FGD6: variants seen among roughly 807,000 people sequenced by gnomAD.
FGD6 encodes FYVE, RhoGEF and PH domain containing 6, also known as FYVE, RhoGEF and PH domain-containing protein 6.
Under a neutral mutation model 149.4 loss-of-function variants are expected in FGD6, and 90 were observed. The observed-to-expected ratio is 0.60, with a 90% CI of 0.51 to 0.72. FGD6 has a LOEUF of 0.72. Among genes scored for constraint, FGD6 ranks in the 30% least tolerant of loss-of-function variants. FGD6 has a pLI of 0.00. For synonymous variants in FGD6, 527 were observed against 584.0 expected, an observed-to-expected ratio of 0.90 and a Z score of 1.41; for missense variants, 1,437 against 1,684.8, an observed-to-expected ratio of 0.85 and a Z score of 2.57.
chr12:95,209,499 T>C lies in FGD6; in HGVS notation c.1785A>G (p.Ser595=). ...SVTVSSNSEP[S]TALTKPRAKS... is the part of the protein sequence containing the mutation. The stretch of plus-strand genomic sequence containing the variant: ...TTGCTCTGGGCTTGGTTAGGGCTGT[T>C]GAAGGCTCACTGTTTGACGATACGG... The change falls in exon 2 of 21, where the codon TCA becomes TCG. Residue 595 remains serine (S), a synonymous_variant. Coordinates refer to ENST00000343958, the MANE Select transcript of FGD6 (RefSeq NM_018351.4). 1 of 1,613,698 alleles carries C rather than the reference T, an allele frequency of 6.2e-7. No homozygotes were observed. The highest frequency in any genetic ancestry group is 2.2e-5 in the East Asian group (1 of 44,884).
chr12:95,144,244 G>C (rs1879941944), intron 5 of FGD6, among the ~76,000 whole-genome samples: 2 of 152,212 alleles, frequency 1.3e-5, no homozygotes, highest in African/African-American at 4.8e-5. Flanking sequence ...TTTTCAGGTA[G>C]CTCGGAATGG....
intron 14 of FGD6, among the ~76,000 whole-genome samples, chr12:95,102,901 G>A (rs1325417686): frequency 1.3e-5 from 2 of 152,170 alleles, no homozygotes; most frequent in African/African-American, 4.8e-5. Context: ...TAATCTGGAA[G>A]ATCAAGATAA....
At chr12:95,178,289 CA>C (rs1175401283) in intron 2 of FGD6, among the ~76,000 whole-genome samples, 2 of 152,136 alleles carry the variant, frequency 1.3e-5, no homozygotes, top group Non-Finnish European at 1.5e-5. Context: ...TTTTCAAACA[CA>C]AGATGGTGCA....
chr12:95,104,980 A>G, intron 14 of FGD6, 27 bp downstream of exon 14: 1 of 1,567,428 alleles, frequency 6.4e-7, no homozygotes, highest in Non-Finnish European at 8.6e-7. Flanking sequence ...AGAAAAAAAA[A>G]AAAAAAAAGA....
Position 95,176,304 on chromosome 12 carries a change from GTT to G in FGD6, c.2442-3562_2442-3561del, listed in dbSNP as rs1435664430. Among the ~76,000 whole-genome samples the G allele has an allele frequency of 9.2e-5, 14 of 152,240 alleles. No individual in the cohort carries two copies. In the East Asian group the frequency reaches 2.3e-3, roughly 25 times the overall value. On this transcript the variant is annotated intron_variant, in intron 2 of 20. Transcript: ENST00000343958. ...TGCCAATTGTATAGTTTGGAGTTCT[GTT>G]TATTTCCTTCCCACTGTCCGAATGA...
At chr12:95,175,122 T>G (rs115194415) in intron 2 of FGD6, among the ~76,000 whole-genome samples, 340 of 152,112 alleles carry the variant, frequency 2.2e-3, no homozygotes, top group African/African-American at 6.8e-3. Context: ...CTTTAAATAT[T>G]AAAACTACAT....
At chr12:95,091,874 G>A (rs1442807587) in intron 16 of FGD6, 65 bp from the exon 17 acceptor site, 7 of 1,266,782 alleles carry the variant, frequency 5.5e-6, no homozygotes, top group East Asian at 2.3e-5. Flanking sequence ...ACACCATAAA[G>A]TATGTTACAA....
At chr12:95,214,557 T>C (rs1253023944) in intron 1 of FGD6, among the ~76,000 whole-genome samples, 1 of 152,236 alleles carries the variant, frequency 6.6e-6, no homozygotes, top group Non-Finnish European at 1.5e-5. Context: ...CCTTTGGATC[T>C]TAATACTGCA....
At chr12:95,095,053 A>G (rs1878192611) in intron 14 of FGD6, among the ~76,000 whole-genome samples, 2 of 152,238 alleles carry the variant, frequency 1.3e-5, no homozygotes, top group South Asian at 4.1e-4. Flanking sequence ...TTAAGACATC[A>G]TCCTAGAATT....
chr12:95,106,272 CTTTT>C (rs58785323), intron 13 of FGD6, among the ~76,000 whole-genome samples: 11 of 130,874 alleles, frequency 8.4e-5, no homozygotes, highest in Non-Finnish European at 1.3e-4. Context: ...TTTATTTGGG[CTTTT>C]TTTTTTTTTT....
At chr12:95,172,846 A>G (rs1033592350) in intron 2 of FGD6, 102 bp from the exon 3 acceptor site, 19 of 953,164 alleles carry the variant, frequency 2.0e-5, no homozygotes, top group Non-Finnish European at 2.5e-5. Context: ...CAAACAAGAT[A>G]TATCTAAGGG....
intron 19 of FGD6, 128 bp from the exon 20 acceptor site, chr12:95,084,774 C>CT (rs2136230458): frequency 1.3e-6 from 1 of 766,326 alleles, no homozygotes; most frequent in Non-Finnish European, 1.9e-6. Context: ...ATAATTCTAA[C>CT]AACTTACTCA....
chr12:95,142,037 C>T (rs1329019287), intron 5 of FGD6, among the ~76,000 whole-genome samples: 1 of 152,114 alleles, frequency 6.6e-6, no homozygotes, highest in Non-Finnish European at 1.5e-5. Context: ...TGTGGGTCTC[C>T]CTCTGTCATC....
chr12:95,129,262 T>C (rs1322072532), intron 8 of FGD6, among the ~76,000 whole-genome samples: 3 of 151,936 alleles, frequency 2.0e-5, no homozygotes, highest in African/African-American at 4.8e-5. Flanking sequence ...CATTTATTAA[T>C]CCATCCGTCC....
chr12:95,188,931 T>C (rs935192797), intron 2 of FGD6, among the ~76,000 whole-genome samples: 3 of 152,118 alleles, frequency 2.0e-5, no homozygotes, highest in Non-Finnish European at 4.4e-5. Context: ...AATCTGGACA[T>C]GTTGACATGT....
intron 2 of FGD6, among the ~76,000 whole-genome samples, chr12:95,201,979 CACACACA>C (rs2056665075): frequency 2.0e-5 from 3 of 151,522 alleles, no homozygotes; most frequent in African/African-American, 7.3e-5. Flanking sequence ...CACACACACA[CACACACA>C]CACACACACA....
At chr12:95,123,924 T>C (rs1370781641) in intron 8 of FGD6, among the ~76,000 whole-genome samples, 1 of 151,284 alleles carries the variant, frequency 6.6e-6, no homozygotes, top group Non-Finnish European at 1.5e-5. Flanking sequence ...TTTTTTTTTT[T>C]CTTTTTTGGA....
chr12:95,196,736 C>T (rs189549393), intron 2 of FGD6, among the ~76,000 whole-genome samples: 2 of 151,896 alleles, frequency 1.3e-5, no homozygotes, highest in East Asian at 3.9e-4. Flanking sequence ...GCCTCCCAGA[C>T]TCAGGTGATC....
chr12:95,142,130 G>T (rs1431868200), intron 5 of FGD6, among the ~76,000 whole-genome samples: 2 of 147,142 alleles, frequency 1.4e-5, no homozygotes, highest in Non-Finnish European at 3.0e-5. Context: ...ACCATGCCAG[G>T]CTCACTTTTG....
Sources: gnomAD v4.1 joint callset for allele counts (sites outside exome capture counted in the v4.1 genomes callset) on GRCh38, gnomAD v4.1.1 for gene constraint, MANE v1.5 for transcripts, NCBI Gene and HGNC (gene_info 2026-07-23, HGNC 2026-07-21) for gene names.